The following SOX5 variants were observed in gnomAD, a reference collection of about 807,000 sequenced individuals.
SOX5 encodes the protein SRY-box transcription factor 5.
In SOX5, 9 loss-of-function variants were observed where a neutral mutation model predicts 92.0. That is an observed-to-expected ratio of 0.10 (90% CI 0.06 to 0.17). The LOEUF (loss-of-function observed/expected upper bound fraction) is 0.17. Among genes scored for constraint, SOX5 ranks in the 10% least tolerant of loss-of-function variants. The pLI is 1.00. For missense variants in SOX5, 642 were observed against 944.5 expected, an observed-to-expected ratio of 0.68 and a Z score of 4.20; for synonymous variants, 344 against 336.3, an observed-to-expected ratio of 1.02 and a Z score of -0.25.
chr12:24,154,984 G>C (rs189888416), intron 4 of SOX5, among the ~76,000 whole-genome samples: 46 of 152,236 alleles, frequency 3.0e-4, no homozygotes, highest in Non-Finnish European at 5.4e-4. Flanking sequence ...GATAACCACT[G>C]TGAGACTACT....
intron 6 of SOX5, among the ~76,000 whole-genome samples, chr12:23,671,087 C>T (rs2084701195): frequency 6.6e-6 from 1 of 151,974 alleles, no homozygotes; most frequent in Non-Finnish European, 1.5e-5. Context: ...CATCACCAGA[C>T]TGGGAAAAAC....
chr12:24,337,309 T>C (rs1952020006), intron 2 of SOX5, among the ~76,000 whole-genome samples: 1 of 151,898 alleles, frequency 6.6e-6, no homozygotes, highest in Non-Finnish European at 1.5e-5. Context: ...TAATCTAGTT[T>C]ATTGGCATTA....
intron 4 of SOX5, among the ~76,000 whole-genome samples, chr12:24,059,299 GA>G (rs1352319949): frequency 6.6e-6 from 1 of 151,976 alleles, no homozygotes; most frequent in Non-Finnish European, 1.5e-5. Flanking sequence ...ATCTTTATCT[GA>G]AAAGGAAATA....
At chr12:24,310,974 A>G (rs1006796825) in intron 2 of SOX5, among the ~76,000 whole-genome samples, 28 of 152,188 alleles carry the variant, frequency 1.8e-4, no homozygotes, top group African/African-American at 6.8e-4. Flanking sequence ...TTAGAACACA[A>G]TAACCCAAAA....
At position 23,946,743 on chromosome 12, in the gene SOX5, T is replaced by C. The variant is rs150054382; in HGVS notation, c.38+2821A>G. ...ACGGTAAAATGTAGAAGACTTTCCT[T>C]ACAAATAATTTTTTAGAATATATAC... On this transcript the variant is annotated intron_variant, in intron 1 of 14. Coordinates refer to ENST00000451604, the MANE Select transcript of SOX5 (RefSeq NM_006940.6). Among the ~76,000 whole-genome samples the C allele has an allele frequency of 5.6e-3, 847 of 152,066 alleles. 11 individuals are homozygous for C. Among genetic ancestry groups the C allele is most frequent in the African/African-American group, 0.018 (737 of 41,542 alleles).
chr12:24,398,434 G>A (rs919357848), intron 1 of SOX5, among the ~76,000 whole-genome samples: 1 of 152,130 alleles, frequency 6.6e-6, no homozygotes, highest in Non-Finnish European at 1.5e-5. Flanking sequence ...AGCCCAGGAG[G>A]CTGAGGCTAC....
At chr12:23,922,943 CTTT>C (rs372074468) in intron 1 of SOX5, among the ~76,000 whole-genome samples, 2 of 143,084 alleles carry the variant, frequency 1.4e-5, no homozygotes, top group Non-Finnish European at 3.1e-5. Flanking sequence ...GAAGCTCCTT[CTTT>C]TTTTTTTTTT....
chr12:23,734,192 GGCTT>G (rs1191109644), intron 6 of SOX5, among the ~76,000 whole-genome samples: 1 of 152,126 alleles, frequency 6.6e-6, no homozygotes, highest in Admixed American at 6.6e-5. Flanking sequence ...ACAGCCTTCA[GGCTT>G]GTTTTCTCCA....
chr12:24,219,747 C>A (rs1052724998), intron 3 of SOX5, among the ~76,000 whole-genome samples: 1 of 152,086 alleles, frequency 6.6e-6, no homozygotes, highest in Admixed American at 6.6e-5. Flanking sequence ...ATCCCTCATG[C>A]ACATTGCTTT....
chr12:23,789,442 G>T (rs2095433626), intron 3 of SOX5, among the ~76,000 whole-genome samples: 1 of 152,022 alleles, frequency 6.6e-6, no homozygotes, highest in South Asian at 2.1e-4. Flanking sequence ...AGGAGAGTGT[G>T]AACCAGTTTT....
chr12:24,389,003 T>A (rs112166838), intron 1 of SOX5, among the ~76,000 whole-genome samples: 3,322 of 152,198 alleles, frequency 0.022, 101 homozygotes, highest in African/African-American at 0.074. Flanking sequence ...ATGTGCACAA[T>A]GTGCAGGTTA....
At chr12:23,558,125 G>A (rs1945546175) in intron 11 of SOX5, among the ~76,000 whole-genome samples, 1 of 152,202 alleles carries the variant, frequency 6.6e-6, no homozygotes, top group East Asian at 1.9e-4. Flanking sequence ...GCCTGTGGCT[G>A]ACAATCGCCT....
chr12:23,723,391 A>G (rs1013378129), intron 6 of SOX5, among the ~76,000 whole-genome samples: 1 of 152,102 alleles, frequency 6.6e-6, no homozygotes, highest in Non-Finnish European at 1.5e-5. Flanking sequence ...AGAGAAAGGA[A>G]CTATGTATGG....
chr12:23,856,985 G>A (rs2096699745), intron 2 of SOX5, among the ~76,000 whole-genome samples: 1 of 152,060 alleles, frequency 6.6e-6, no homozygotes, highest in South Asian at 2.1e-4. Context: ...TTCATATTGA[G>A]TTAATTATTA....
intron 10 of SOX5, among the ~76,000 whole-genome samples, chr12:23,572,208 A>T (rs1024803913): frequency 6.6e-6 from 1 of 152,188 alleles, no homozygotes; most frequent in African/African-American, 2.4e-5. Context: ...CATGTGATTA[A>T]CGATAACTTA....
intron 3 of SOX5, among the ~76,000 whole-genome samples, chr12:24,229,957 T>C (rs1273513022): frequency 6.6e-6 from 1 of 152,168 alleles, no homozygotes; most frequent in Non-Finnish European, 1.5e-5. Context: ...ACAAAACAGT[T>C]CCCCTATCTT....
At chr12:24,036,012 G>C (rs965534077) in intron 4 of SOX5, among the ~76,000 whole-genome samples, 2 of 151,912 alleles carry the variant, frequency 1.3e-5, no homozygotes, top group African/African-American at 4.8e-5. Context: ...CATACCAGGA[G>C]AACCCTAGAG....
At chr12:23,897,298 T>A (rs1270202603) in intron 1 of SOX5, among the ~76,000 whole-genome samples, 1 of 152,090 alleles carries the variant, frequency 6.6e-6, no homozygotes, top group Non-Finnish European at 1.5e-5. Context: ...TTTAGTGTTA[T>A]AAGTTTCAAA....
chr12:23,952,411 T>C (rs1945773148), upstream of SOX5, among the ~76,000 whole-genome samples: 1 of 152,178 alleles, frequency 6.6e-6, no homozygotes, highest in South Asian at 2.1e-4. Flanking sequence ...GTATGAGTGT[T>C]TGAGGCCAAC....
Sources: gnomAD v4.1 joint callset for allele counts (sites outside exome capture counted in the v4.1 genomes callset) on GRCh38, gnomAD v4.1.1 for gene constraint, MANE v1.5 for transcripts, NCBI Gene and HGNC (gene_info 2026-07-23, HGNC 2026-07-21) for gene names.